AKR1B1: variants seen among roughly 807,000 people sequenced by gnomAD.
AKR1B1 encodes the protein aldo-keto reductase family 1 member B.
AKR1B1 carries 22 observed loss-of-function variants against 40.4 expected under a neutral mutation model. That is an observed-to-expected ratio of 0.54 (90% confidence interval 0.39 to 0.78). AKR1B1 has a LOEUF of 0.78. Ranked by LOEUF, AKR1B1 falls within the 30% of genes least tolerant of loss-of-function variation. The pLI, the probability that AKR1B1 is intolerant of heterozygous loss-of-function variation, is 0.00. For synonymous variants in AKR1B1, 157 were observed against 149.9 expected, an observed-to-expected ratio of 1.05 and a Z score of -0.35; for missense variants, 357 against 396.7, an observed-to-expected ratio of 0.90 and a Z score of 0.85.
intron 3 of AKR1B1, 26 bp from the exon 4 acceptor site, chr7:134,449,823 A>T (rs1585712957): frequency 6.3e-7 from 1 of 1,596,740 alleles, no homozygotes; most frequent in Admixed American, 1.7e-5. Context: ...AAAACAAACA[A>T]ACAAAACAAT....
rs754080850 is a variant in AKR1B1 at position 134,450,812 on chromosome 7, G to A, written c.325C>T (p.Leu109Phe). ...TTAAAGCCAGTCGGCCAGTGAATAA[G>A]GTAGAGGTCCAGGTAGTCCAGCTTC... Reference protein sequence around the residue: ...DLKLDYLDLYLIHWPTGFKPG... With the variant: ...DLKLDYLDLYFIHWPTGFKPG... Residue 109 changes from leucine to phenylalanine, a missense_variant, in exon 3 of 10, where the codon CTT becomes TTT. By Grantham distance (22) the Leu-to-Phe change is conservative. Coordinates refer to ENST00000285930, the MANE Select transcript of AKR1B1 (RefSeq NM_001628.4). 8 of 1,614,138 alleles carry A rather than the reference G, an allele frequency of 5.0e-6. No homozygotes were observed. The highest frequency in any genetic ancestry group is 5.1e-6 in the Non-Finnish European group (6 of 1,180,016).
At chr7:134,447,627 C>T (rs1217649575) in intron 7 of AKR1B1, 2 of 626,550 alleles carry the variant, frequency 3.2e-6, no homozygotes, top group East Asian at 5.5e-5. Flanking sequence ...ATCATGAGAC[C>T]ACATGAGGCC....
chr7:134,447,887 G>T, intron 7 of AKR1B1, 93 bp downstream of exon 7: 1 of 1,117,160 alleles, frequency 9.0e-7, no homozygotes, highest in Non-Finnish European at 1.3e-6. Flanking sequence ...CTGTGAGGGT[G>T]TAACAGGCTC....
intron 1 of AKR1B1, among the ~76,000 whole-genome samples, chr7:134,453,269 G>A (rs1205320103): frequency 6.6e-6 from 1 of 152,186 alleles, no homozygotes; most frequent in Non-Finnish European, 1.5e-5. Context: ...GCCTAGCCAC[G>A]CACTGCCTGC....
chr7:134,446,353 T>A (rs1218933563), intron 8 of AKR1B1, among the ~76,000 whole-genome samples: 1 of 152,228 alleles, frequency 6.6e-6, no homozygotes, highest in African/African-American at 2.4e-5. Context: ...CTGTCTCATA[T>A]GTGACAGGTG....
intron 1 of AKR1B1, among the ~76,000 whole-genome samples, chr7:134,456,171 T>A (rs2117466444): frequency 6.6e-6 from 1 of 152,282 alleles, no homozygotes; most frequent in African/African-American, 2.4e-5. Flanking sequence ...TGTGAAAGAA[T>A]ACATACACAC....
Position 134,445,305 on chromosome 7 carries a change from G to A in AKR1B1, c.841C>T (p.Leu281=). ...AENFKVFDFE[L]SSQDMTTLLS... is the part of the protein sequence containing the mutation. ...AAGGTGGTCATATCCTGGCTGCTCA[G>A]TTCAAAGTCAAAGACCTAAAAAACA... Residue 281 remains leucine, a synonymous_variant, in exon 9 of 10, where the codon CTG becomes TTG. Coordinates refer to ENST00000285930, the MANE Select transcript of AKR1B1 (RefSeq NM_001628.4). The A allele has an allele frequency of 6.2e-7, 1 of 1,612,942 alleles. No homozygotes were observed. Among genetic ancestry groups the A allele is most frequent in the Non-Finnish European group, 8.5e-7 (1 of 1,179,658 alleles).
At chr7:134,449,448 G>T in intron 4 of AKR1B1, 1 of 568,438 alleles carries the variant, frequency 1.8e-6, no homozygotes, top group East Asian at 3.0e-5. Flanking sequence ...TTAGCCGGGC[G>T]TGGTGGCGGG....
At chr7:134,447,250 T>C (rs1585709433) in intron 8 of AKR1B1, 48 bp downstream of exon 8, 1 of 1,484,172 alleles carries the variant, frequency 6.7e-7, no homozygotes, top group Non-Finnish European at 9.4e-7. Context: ...GCCTCCCCCA[T>C]CCCCCACTCC....
At chr7:134,458,847 C>A in intron 1 of AKR1B1, 150 bp downstream of exon 1, 1 of 882,444 alleles carries the variant, frequency 1.1e-6, no homozygotes. Flanking sequence ...GACCCCAGCC[C>A]GCTGGGGACC....
At chr7:134,453,752 G>C (rs1242132487) in intron 1 of AKR1B1, among the ~76,000 whole-genome samples, 1 of 152,134 alleles carries the variant, frequency 6.6e-6, no homozygotes, top group East Asian at 1.9e-4. Flanking sequence ...ATGTGTGCTG[G>C]GAGGCTGATC....
chr7:134,457,683 C>CGG (rs1562911918), intron 1 of AKR1B1, among the ~76,000 whole-genome samples: 2 of 152,174 alleles, frequency 1.3e-5, no homozygotes, highest in African/African-American at 2.4e-5. Flanking sequence ...AAATATCCAA[C>CGG]GCCCAGGCCC....
intron 8 of AKR1B1, among the ~76,000 whole-genome samples, chr7:134,446,440 A>G (rs558190581): frequency 2.8e-4 from 42 of 152,364 alleles, no homozygotes; most frequent in Admixed American, 2.1e-3. Flanking sequence ...GGCCTGCCCA[A>G]GAGCCCCAGG....
At chr7:134,457,297 T>C (rs183131149) in intron 1 of AKR1B1, among the ~76,000 whole-genome samples, 13 of 152,350 alleles carry the variant, frequency 8.5e-5, no homozygotes, top group Middle Eastern at 3.4e-3. Context: ...TACTGTTAAG[T>C]AATTTTTATT....
intron 1 of AKR1B1, among the ~76,000 whole-genome samples, chr7:134,456,003 A>G (rs1324626678): frequency 1.3e-5 from 2 of 152,226 alleles, no homozygotes; most frequent in Non-Finnish European, 2.9e-5. Flanking sequence ...AGGACCTTCA[A>G]GAGTAGAGAC....
chr7:134,443,011 G>A (rs1039700235), intron 9 of AKR1B1, among the ~76,000 whole-genome samples: 1 of 152,202 alleles, frequency 6.6e-6, no homozygotes, highest in African/African-American at 2.4e-5. Context: ...CTCCCCATGT[G>A]CCCAGCACTG....
Position 134,448,391 on chromosome 7 carries a change from G to A in AKR1B1, c.655C>T (p.Pro219Ser), listed in dbSNP as rs772301030. Residue 219 changes from proline to serine, a missense_variant, in exon 6 of 10, where the codon CCC (proline) becomes TCC (serine). By Grantham distance (74) the Pro-to-Ser change is moderately conservative (BLOSUM62 -1). Transcript: ENST00000285930. The stretch of plus-strand genomic sequence containing the variant: ...ATGAGCCTGTGGGAAGCTCACCAGG[G>A]CCTGTCAGGAGAGCCGAGGGGGCTG... ...AYSPLGSPDRPWAKPEDPSLL... is the reference protein window; with the variant it reads ...AYSPLGSPDRSWAKPEDPSLL... 4.3e-6 allele frequency: 7 copies of A among 1,612,304 alleles called. No homozygotes were observed. The highest frequency in any genetic ancestry group is 5.9e-6 in the Non-Finnish European group (7 of 1,178,636).
intron 4 of AKR1B1, chr7:134,449,346 G>A (rs1806209218): frequency 3.3e-6 from 2 of 611,078 alleles, no homozygotes. Flanking sequence ...CAGCACTTTG[G>A]GAGGCTGAGG....
Position 134,451,605 on chromosome 7 carries a change from T to G in AKR1B1, c.215A>C (p.Glu72Ala), listed in dbSNP as rs781510920. 1.9e-6 allele frequency: 3 copies of G among 1,613,974 alleles called. No homozygotes were observed. The highest frequency in any genetic ancestry group is 2.2e-5 in the East Asian group (1 of 44,868). ...KLREQVVKRE[E>A]LFIVSKLWCT... ...CGATACCTTGCTGACGATGAAGAGC[T>G]CCTCACGCTTCACCACCTGCTCCCT... The change falls in exon 2 of 10, where the codon GAG becomes GCG. Residue 72 changes from glutamate (E) to alanine (A), a missense_variant. By Grantham distance (107) the Glu-to-Ala change is moderately radical (BLOSUM62 -1). Coordinates refer to ENST00000285930, the MANE Select transcript of AKR1B1 (RefSeq NM_001628.4).
Sources: gnomAD v4.1 joint callset for allele counts (sites outside exome capture counted in the v4.1 genomes callset) on GRCh38, gnomAD v4.1.1 for gene constraint, MANE v1.5 for transcripts, NCBI Gene and HGNC (gene_info 2026-07-23, HGNC 2026-07-21) for gene names.